UBR2: variants seen among roughly 807,000 people sequenced by gnomAD.
UBR2 encodes E3 ubiquitin-protein ligase UBR2.
A neutral mutation model predicts 247.9 loss-of-function variants in UBR2; 92 were observed. The ratio of observed to expected loss-of-function variants is 0.37; its 90% CI spans 0.31 to 0.44. UBR2 has a LOEUF of 0.44. UBR2 is among the 20% of genes least tolerant of loss of function. The probability of loss-of-function intolerance (pLI) is 1.00; values close to 1 mark genes in which losing one functional copy is unlikely to be tolerated. For missense variants in UBR2, 1,613 were observed against 2,112.6 expected (o/e 0.76, Z 4.64); for synonymous variants, 672 against 693.5 (o/e 0.97, Z 0.49).
intron 44 of UBR2, among the ~76,000 whole-genome samples, chr6:42,685,844 T>G (rs373889112): frequency 1.1e-3 from 165 of 151,870 alleles, no homozygotes; most frequent in African/African-American, 3.6e-3. Flanking sequence ...GCCACTGCAC[T>G]CTAGCCTGGG....
Position 42,661,635 on chromosome 6 carries a change from T to TA in UBR2, c.3443-548dup, listed in dbSNP as rs1797808736. 2.6e-5 allele frequency among the ~76,000 whole-genome samples: 4 copies of TA among 152,238 alleles called. No homozygotes were observed. The South Asian group carries it at 8.3e-4, about 32-fold the overall frequency. ...AGCACCAGGACAGAAGACTCTGAAT[T>TA]ACCTTTTTTCCCCCCATCTGATCTG... On this transcript the variant is annotated intron_variant, in intron 30 of 46. Coordinates refer to ENST00000372901, the MANE Select transcript of UBR2 (RefSeq NM_001363705.2).
At position 42,641,616 on chromosome 6, in the gene UBR2, C is replaced by T. The variant is rs1354059497; in HGVS notation, c.1955C>T (p.Pro652Leu). ...AGCCCACCCATGTTGATAGAACACC[C>T]TCTTAGATGTCTTGTTCTGTGTGCC... The part of the protein sequence containing the change: ...ELSPPMLIEH[P>L]LRCLVLCAQV... Residue 652 changes from proline to leucine, a missense_variant, in exon 17 of 47, where the codon CCT becomes CTT. By Grantham distance (98) the Pro-to-Leu change is moderately conservative. Around this residue, in one of 3 missense-constraint regions of UBR2, gnomAD observed 1,524 missense variants for 1,967.3 expected, o/e 0.77. Coordinates refer to ENST00000372901, the MANE Select transcript of UBR2 (RefSeq NM_001363705.2). 1.2e-6 allele frequency: 2 copies of T among 1,601,950 alleles called. No individual in the cohort carries two copies. The highest frequency in any genetic ancestry group is 1.7e-6 in the Non-Finnish European group (2 of 1,176,340).
intron 26 of UBR2, 60 bp downstream of exon 26, chr6:42,655,783 T>A: frequency 4.0e-6 from 4 of 1,010,124 alleles, no homozygotes; most frequent in Non-Finnish European, 5.6e-6. Flanking sequence ...AGAAATCACT[T>A]AATAACCTCT....
At chr6:42,639,928 T>C in intron 15 of UBR2, among the ~76,000 whole-genome samples, 1 of 152,146 alleles carries the variant, frequency 6.6e-6, no homozygotes, top group East Asian at 1.9e-4. Context: ...CTCGGGAGGC[T>C]GAGGCAGGAG....
At chr6:42,657,490 CAGAA>C (rs1797510579) in intron 26 of UBR2, among the ~76,000 whole-genome samples, 1 of 152,138 alleles carries the variant, frequency 6.6e-6, no homozygotes, top group Non-Finnish European at 1.5e-5. Context: ...GACATTTTTC[CAGAA>C]TGGCAGCACC....
At chr6:42,591,363 C>G (rs939908741) in intron 2 of UBR2, among the ~76,000 whole-genome samples, 25 of 152,282 alleles carry the variant, frequency 1.6e-4, no homozygotes, top group African/African-American at 6.0e-4. Context: ...TGTCAGGAAC[C>G]AGGGGCAGGA....
chr6:42,628,404 C>T (rs907922765), intron 11 of UBR2, among the ~76,000 whole-genome samples: 2 of 150,314 alleles, frequency 1.3e-5, no homozygotes, highest in African/African-American at 5.0e-5. Context: ...ACAATTAACA[C>T]AGTCTTCATT....
At chr6:42,631,265 T>A (rs1407584162) in intron 11 of UBR2, among the ~76,000 whole-genome samples, 1 of 152,190 alleles carries the variant, frequency 6.6e-6, no homozygotes, top group Non-Finnish European at 1.5e-5. Context: ...CATGATCTTT[T>A]GTATCAGAGT....
At position 42,584,450 on chromosome 6, in the gene UBR2, T is replaced by C. The variant is rs180807989; in HGVS notation, c.339-7701T>C. On this transcript the variant is annotated intron_variant, in intron 2 of 46. Transcript: ENST00000372901. Reference sequence around the variant, plus strand: ...TTATAATAAGTCTTGAACTGATTAGTGTAAGTCTTCCATTTTTGTTCCTTT... The same window carrying C: ...TTATAATAAGTCTTGAACTGATTAGCGTAAGTCTTCCATTTTTGTTCCTTT... Among the ~76,000 whole-genome samples the C allele has an allele frequency of 2.0e-3, 302 of 152,372 alleles. 3 individuals are homozygous for C. Among genetic ancestry groups the C allele is most frequent in the South Asian group, 0.011 (52 of 4,828 alleles).
intron 15 of UBR2, among the ~76,000 whole-genome samples, chr6:42,638,249 G>C (rs1264233013): frequency 6.6e-6 from 1 of 152,042 alleles, no homozygotes; most frequent in Non-Finnish European, 1.5e-5. Flanking sequence ...TCAGGGAATT[G>C]ATCCATTTCA....
chr6:42,641,812 G>A, intron 17 of UBR2, 120 bp downstream of exon 17: 1 of 681,820 alleles, frequency 1.5e-6, no homozygotes. Flanking sequence ...TGTTTGAAAA[G>A]ATTAATGATA....
At chr6:42,690,378 G>T (rs76157093) in intron 46 of UBR2, among the ~76,000 whole-genome samples, 1 of 152,204 alleles carries the variant, frequency 6.6e-6, no homozygotes, top group African/African-American at 2.4e-5. Flanking sequence ...ACTGTTCTCA[G>T]CGTGGGCTGT....
intron 22 of UBR2, 31 bp from the exon 23 acceptor site, chr6:42,650,253 T>C: frequency 6.5e-7 from 1 of 1,550,372 alleles, no homozygotes. Context: ...ATGGCTTTGG[T>C]AATAATATTC....
At position 42,689,836 on chromosome 6, in the gene UBR2, C is replaced by T. The variant is rs142184823; in HGVS notation, c.5126+166C>T. ...TCAGCCTGGTTTGGTGTTCTTTTCC[C>T]AGCCTTCAGAATGCCATGAGGAACA... On this transcript the variant is annotated intron_variant, in intron 46 of 46. Coordinates refer to ENST00000372901, the MANE Select transcript of UBR2 (RefSeq NM_001363705.2). This position sits in a 1 kb window ranked among gnomAD's most constrained non-coding sequence, Gnocchi z 4.0. Among the ~76,000 whole-genome samples, 429 of 152,222 alleles carry T rather than the reference C, an allele frequency of 2.8e-3. 1 individual carries two copies. Among genetic ancestry groups the T allele is most frequent in the Non-Finnish European group, 5.1e-3 (349 of 68,014 alleles).
chr6:42,568,590 C>T (rs1790922080), intron 1 of UBR2, among the ~76,000 whole-genome samples: 2 of 151,814 alleles, frequency 1.3e-5, no homozygotes, highest in Admixed American at 6.6e-5. Context: ...ATTAGCCGGG[C>T]GTGGTGGCAG....
intron 36 of UBR2, among the ~76,000 whole-genome samples, chr6:42,672,492 G>A (rs749508196): frequency 7.2e-5 from 11 of 151,864 alleles, no homozygotes; most frequent in African/African-American, 2.2e-4. Flanking sequence ...TCTCTAATAC[G>A]TTATTAGAGG....
At chr6:42,682,675 C>T (rs1436047283) in intron 42 of UBR2, among the ~76,000 whole-genome samples, 1 of 152,102 alleles carries the variant, frequency 6.6e-6, no homozygotes, top group East Asian at 1.9e-4. Flanking sequence ...CCGCCTCAGC[C>T]TCCGAAAGTG....
intron 15 of UBR2, among the ~76,000 whole-genome samples, chr6:42,638,723 G>A (rs1053543747): frequency 2.0e-5 from 3 of 151,868 alleles, no homozygotes; most frequent in Non-Finnish European, 4.4e-5. Context: ...GCACGCAGGC[G>A]CAGCGTGGCA....
chr6:42,684,623 A>G (rs1230776709), intron 43 of UBR2, among the ~76,000 whole-genome samples, 171 bp from the exon 44 acceptor site: 2 of 151,954 alleles, frequency 1.3e-5, no homozygotes, highest in Non-Finnish European at 2.9e-5. Context: ...AAAACTGTCT[A>G]AAATAATCCC....
Sources: gnomAD v4.1 joint callset for allele counts (sites outside exome capture counted in the v4.1 genomes callset) on GRCh38, gnomAD v4.1.1 for gene constraint, gnomAD v4.1.1 regional missense constraint, Gnocchi (gnomAD v3.1) non-coding constraint, MANE v1.5 for transcripts, NCBI Gene and HGNC (gene_info 2026-07-23, HGNC 2026-07-21) for gene names.